The following PRKACB variants were observed in gnomAD, a reference collection of about 807,000 sequenced individuals.
PRKACB encodes protein kinase cAMP-activated catalytic subunit beta.
In PRKACB, 16 loss-of-function variants were observed where a neutral mutation model predicts 51.4. The observed-to-expected ratio is 0.31, with a 90% CI of 0.21 to 0.47. The LOEUF is 0.47. PRKACB is among the 20% of genes least tolerant of loss of function. PRKACB has a pLI of 1.00. For missense variants in PRKACB, 309 were observed against 464.5 expected (o/e 0.67, Z 3.08); for synonymous variants, 147 against 154.4 (o/e 0.95, Z 0.35).
chr1:84,235,526 CCA>C lies in PRKACB; in HGVS notation c.*223_*224del. 1 of 479,754 alleles carries C rather than the reference CCA, an allele frequency of 2.1e-6. No homozygotes were observed. Among genetic ancestry groups the C allele is most frequent in the Non-Finnish European group, 3.6e-6 (1 of 274,634 alleles). The allele number at this position is 479,754 out of a possible 1,614,324, so 29.7% of individuals were successfully genotyped here. ...GTCTGTGCCATAACACAGTACTAGA[CCA>C]CTTTCTTACTTCTCTTTGGGTTGTC... is the stretch of plus-strand genomic sequence containing the variant. On this transcript the variant is annotated 3_prime_UTR_variant, in exon 10 of 10. Coordinates refer to ENST00000370685, the MANE Select transcript of PRKACB (RefSeq NM_182948.4).
intron 9 of PRKACB, 55 bp downstream of exon 9, chr1:84,214,372 A>G (rs1672569388): frequency 4.9e-6 from 7 of 1,436,198 alleles, no homozygotes; most frequent in Non-Finnish European, 6.5e-6. Flanking sequence ...TTTAAATTAT[A>G]TGTGGTGGAG....
At chr1:84,174,950 T>TG in intron 1 of PRKACB, 2 of 1,287,494 alleles carry the variant, frequency 1.6e-6, no homozygotes, top group Non-Finnish European at 2.1e-6. Flanking sequence ...TATAGTATTC[T>TG]GAAAAAATGC....
intron 1 of PRKACB, among the ~76,000 whole-genome samples, chr1:84,112,225 CTT>C (rs905575496): frequency 1.1e-3 from 138 of 120,000 alleles, no homozygotes; most frequent in South Asian, 6.1e-3. Flanking sequence ...TGGACTGCTT[CTT>C]TTTTTTTTTT....
rs1249127938 is a variant in PRKACB at position 84,236,559 on chromosome 1, A to T, written c.*1254A>T. On this transcript the variant is annotated 3_prime_UTR_variant, in exon 10 of 10. Transcript: ENST00000370685. ...GAGGTATGATATTTTCAGATATTTC[A>T]TAATTTCTAACCTCTGTTCTCTCAG... is the stretch of plus-strand genomic sequence containing the variant. 1 of 152,616 alleles carries T rather than the reference A, an allele frequency of 6.6e-6. No individual in the cohort carries two copies. Among genetic ancestry groups the T allele is most frequent in the African/African-American group, 2.4e-5 (1 of 41,440 alleles). 9.5% of individuals were successfully genotyped at this position (152,616 alleles called of 1,614,324 possible).
At chr1:84,172,765 A>G (rs559548463) in intron 1 of PRKACB, among the ~76,000 whole-genome samples, 51 of 151,890 alleles carry the variant, frequency 3.4e-4, no homozygotes, top group Non-Finnish European at 4.9e-4. Flanking sequence ...TGAAAAATTA[A>G]CAAGTAATAA....
chr1:84,136,693 T>A (rs1652861161), intron 1 of PRKACB, among the ~76,000 whole-genome samples: 1 of 152,196 alleles, frequency 6.6e-6, no homozygotes, highest in Admixed American at 6.5e-5. Flanking sequence ...ATTTAACCGA[T>A]TTAAAAACAA....
intron 9 of PRKACB, among the ~76,000 whole-genome samples, chr1:84,217,257 A>C (rs542456236): frequency 1.2e-4 from 19 of 152,316 alleles, no homozygotes; most frequent in African/African-American, 4.6e-4. Context: ...GTAATTTATT[A>C]AGCAAATGAA....
At chr1:84,232,420 G>A (rs1055672441) in intron 9 of PRKACB, among the ~76,000 whole-genome samples, 1 of 152,194 alleles carries the variant, frequency 6.6e-6, no homozygotes, top group African/African-American at 2.4e-5. Context: ...AGAGAGTTCT[G>A]TAGATGTCTA....
At chr1:84,136,490 C>CACACA (rs1553163970) in intron 1 of PRKACB, among the ~76,000 whole-genome samples, 1 of 146,650 alleles carries the variant, frequency 6.8e-6, no homozygotes, top group African/African-American at 2.5e-5. Context: ...ACGGCCAAAA[C>CACACA]CACACACACA....
intron 1 of PRKACB, among the ~76,000 whole-genome samples, chr1:84,134,235 G>A (rs1454568832): frequency 1.3e-5 from 2 of 152,090 alleles, no homozygotes; most frequent in Non-Finnish European, 2.9e-5. Flanking sequence ...TATAGGATTT[G>A]GGGCAGGGCA....
intron 9 of PRKACB, among the ~76,000 whole-genome samples, chr1:84,232,917 A>C (rs1299690423): frequency 6.6e-6 from 1 of 152,016 alleles, no homozygotes; most frequent in East Asian, 1.9e-4. Flanking sequence ...ATTTACATTT[A>C]AAGTTAATAT....
At chr1:84,134,272 A>C (rs959689365) in intron 1 of PRKACB, among the ~76,000 whole-genome samples, 1 of 152,308 alleles carries the variant, frequency 6.6e-6, no homozygotes, top group African/African-American at 2.4e-5. Context: ...GGAAAAGGCA[A>C]CATTCAAGTG....
At chr1:84,125,754 A>G (rs1651530343) in intron 1 of PRKACB, among the ~76,000 whole-genome samples, 1 of 152,032 alleles carries the variant, frequency 6.6e-6, no homozygotes, top group African/African-American at 2.4e-5. Context: ...TTAAAATAAA[A>G]TTTAGAAGGC....
chr1:84,163,989 C>T (rs1385712196), intron 1 of PRKACB, among the ~76,000 whole-genome samples: 2 of 151,922 alleles, frequency 1.3e-5, no homozygotes, highest in African/African-American at 4.8e-5. Flanking sequence ...AGTCCTGTTT[C>T]ATGTGAGGAA....
At chr1:84,201,652 A>T (rs1670135900) in intron 7 of PRKACB, among the ~76,000 whole-genome samples, 1 of 152,106 alleles carries the variant, frequency 6.6e-6, no homozygotes, top group Non-Finnish European at 1.5e-5. Flanking sequence ...AATTTTGAAA[A>T]CTAAGTAGTT....
At chr1:84,124,040 A>G (rs1056606426) in intron 1 of PRKACB, among the ~76,000 whole-genome samples, 15 of 152,160 alleles carry the variant, frequency 9.9e-5, no homozygotes, top group African/African-American at 2.9e-4. Flanking sequence ...TCTGTGACTC[A>G]TCTTTTAGAT....
Position 84,164,469 on chromosome 1 carries a change from G to A in PRKACB, c.188-14708G>A. ...CAATTTTTTCATATCTTTGAAAGATGTAAAAAGCGTAGATTAGTGCTTAAA... is the reference window on the plus strand; with the variant it reads ...CAATTTTTTCATATCTTTGAAAGATATAAAAAGCGTAGATTAGTGCTTAAA... On this transcript the variant is annotated intron_variant, in intron 1 of 9. Transcript: ENST00000370685. 7 of 1,548,410 alleles carry A rather than the reference G, an allele frequency of 4.5e-6. No homozygotes were observed. In the South Asian group the frequency reaches 5.9e-5, roughly 13 times the overall value.
intron 1 of PRKACB, among the ~76,000 whole-genome samples, chr1:84,163,915 A>G (rs1656622930): frequency 1.3e-5 from 2 of 151,940 alleles, no homozygotes; most frequent in African/African-American, 4.8e-5. Context: ...GATCTCTGGT[A>G]ATCAAAACAA....
Position 84,221,261 on chromosome 1 carries a change from T to G in PRKACB, c.1071+6944T>G, listed in dbSNP as rs1367380668. Reference sequence around the variant, plus strand: ...AGTTGTTCATGATAGTCTCCAGTGATCTCCTGTATTTCTGTGGTGTCAGTT... The same window carrying G: ...AGTTGTTCATGATAGTCTCCAGTGAGCTCCTGTATTTCTGTGGTGTCAGTT... On this transcript the variant is annotated intron_variant, in intron 9 of 9. Coordinates refer to ENST00000370685, the MANE Select transcript of PRKACB (RefSeq NM_182948.4). 2.4e-4 allele frequency among the ~76,000 whole-genome samples: 3 copies of G among 12,678 alleles called. No individual in the cohort carries two copies. The Non-Finnish European group carries it at 0.024, about 101-fold the overall frequency. 8.3% of individuals were successfully genotyped at this position (12,678 alleles called of 152,430 possible).
Sources: gnomAD v4.1 joint callset for allele counts (sites outside exome capture counted in the v4.1 genomes callset) on GRCh38, gnomAD v4.1.1 for gene constraint, MANE v1.5 for transcripts, NCBI Gene and HGNC (gene_info 2026-07-23, HGNC 2026-07-21) for gene names.